The following VPS35L variants were observed in gnomAD, a reference collection of about 807,000 sequenced individuals.
VPS35L encodes the protein VPS35 endosomal protein sorting factor like, also known as VPS35 endosomal protein-sorting factor-like.
Under a neutral mutation model 133.0 loss-of-function variants are expected in VPS35L, and 83 were observed. The ratio of observed to expected loss-of-function variants is 0.62; its 90% CI spans 0.52 to 0.75. The LOEUF (loss-of-function observed/expected upper bound fraction) is 0.75, where lower values mean the gene tolerates loss of function less well. Ranked by LOEUF, VPS35L falls within the 30% of genes least tolerant of loss-of-function variation. VPS35L has a pLI of 0.00. For missense variants in VPS35L, 1,083 were observed against 1,206.8 expected (o/e 0.90, Z 1.52); for synonymous variants, 423 against 449.9 (o/e 0.94, Z 0.76).
At position 19,569,968 on chromosome 16, in the gene VPS35L, C is replaced by A. The variant is rs531988251; in HGVS notation, c.285+377C>A. ...TTTTTTAAGTTGCACAAGTAATGCA[C>A]ACGGTACCTTCTGGTCAGGTCATCC... On this transcript the variant is annotated intron_variant, in intron 3 of 30. Coordinates refer to ENST00000417362, the MANE Select transcript of VPS35L (RefSeq NM_020314.7). 1.4e-3 allele frequency among the ~76,000 whole-genome samples: 218 copies of A among 152,334 alleles called. 2 individuals carry two copies. The highest frequency in any genetic ancestry group is 5.1e-3 in the African/African-American group (211 of 41,576).
At chr16:19,648,814 G>C (rs1974033114) in intron 24 of VPS35L, among the ~76,000 whole-genome samples, 1 of 141,888 alleles carries the variant, frequency 7.0e-6, no homozygotes, top group Admixed American at 7.4e-5. Flanking sequence ...GTTGCAGTAA[G>C]CAGAGATCGC....
intron 15 of VPS35L, 73 bp downstream of exon 15, chr16:19,626,296 T>A: frequency 9.1e-7 from 1 of 1,094,770 alleles, no homozygotes; most frequent in Non-Finnish European, 1.4e-6. Context: ...TTGGCCTGCT[T>A]ACCTGGGTAT....
intron 12 of VPS35L, among the ~76,000 whole-genome samples, chr16:19,612,110 C>T (rs1284897394): frequency 2.0e-5 from 3 of 151,096 alleles, no homozygotes; most frequent in African/African-American, 4.9e-5. Flanking sequence ...AGCTAATTTT[C>T]GTATTTTTAG....
intron 27 of VPS35L, among the ~76,000 whole-genome samples, chr16:19,673,209 G>C (rs1285286735): frequency 6.6e-6 from 1 of 152,234 alleles, no homozygotes; most frequent in Non-Finnish European, 1.5e-5. Flanking sequence ...GGCAGATCCA[G>C]CCGGTAGACA....
At chr16:19,652,157 C>T (rs549647689) in intron 26 of VPS35L, 67 bp downstream of exon 26, 13 of 1,083,290 alleles carry the variant, frequency 1.2e-5, no homozygotes, top group East Asian at 5.2e-5. Context: ...CAGGTGTGTG[C>T]GTATGTGTGT....
At chr16:19,681,482 C>A (rs957635192) in intron 27 of VPS35L, among the ~76,000 whole-genome samples, 1 of 152,164 alleles carries the variant, frequency 6.6e-6, no homozygotes, top group Non-Finnish European at 1.5e-5. Context: ...GCTAGCAAGG[C>A]CATGGAAGGG....
chr16:19,662,625 T>C (rs1265373639), intron 26 of VPS35L, among the ~76,000 whole-genome samples: 2 of 152,068 alleles, frequency 1.3e-5, no homozygotes, highest in Non-Finnish European at 2.9e-5. Context: ...AAGGTCGGTC[T>C]TAGGACCACA....
At chr16:19,651,449 C>G (rs890681652) in intron 25 of VPS35L, among the ~76,000 whole-genome samples, 1 of 152,080 alleles carries the variant, frequency 6.6e-6, no homozygotes, top group African/African-American at 2.4e-5. Flanking sequence ...AAGTGATCCT[C>G]CTGCCTCAGC....
intron 7 of VPS35L, among the ~76,000 whole-genome samples, chr16:19,586,310 A>AGTATGTAT (rs34255547): frequency 7.3e-5 from 11 of 151,720 alleles, no homozygotes; most frequent in African/African-American, 9.7e-5. Flanking sequence ...GAAGTGTGGA[A>AGTATGTAT]GTATGTATGT....
At chr16:19,579,421 C>T (rs1024745289) in intron 6 of VPS35L, 3 of 263,514 alleles carry the variant, frequency 1.1e-5, no homozygotes, top group African/African-American at 2.2e-5. Flanking sequence ...CAAGGCCAGG[C>T]GCGGTGGCTC....
In VPS35L at chr16:19,578,315, A is replaced by G. The variant is rs764287892; in HGVS notation, c.434-737A>G. On this transcript the variant is annotated intron_variant, in intron 5 of 30. Coordinates refer to ENST00000417362, the MANE Select transcript of VPS35L (RefSeq NM_020314.7). ...TTTTTTTTTTTGAGATGGAGGTTAC[A>G]GTGAGCCGAGATCGCGCCACCGCAC... 37 of 439,668 alleles carry G rather than the reference A, an allele frequency of 8.4e-5. 1 individual carries two copies. Among genetic ancestry groups the G allele is most frequent in the South Asian group, 5.6e-4 (35 of 62,754 alleles). The allele number at this position is 439,668 out of a possible 1,614,324, so 27.2% of individuals were successfully genotyped here.
At chr16:19,691,221 G>A (rs773842375) in intron 28 of VPS35L, 132 bp from the exon 29 acceptor site, 11 of 706,690 alleles carry the variant, frequency 1.6e-5, no homozygotes, top group East Asian at 2.7e-5. Flanking sequence ...GGAAATTTCC[G>A]CCACTTCCAT....
intron 23 of VPS35L, among the ~76,000 whole-genome samples, chr16:19,646,190 G>A (rs1257067596): frequency 2.6e-5 from 4 of 152,126 alleles, no homozygotes; most frequent in Non-Finnish European, 4.4e-5. Flanking sequence ...ATCCACAGTG[G>A]CCTTGTTCCC....
At chr16:19,557,837 G>C (rs1970910169) in intron 1 of VPS35L, among the ~76,000 whole-genome samples, 1 of 151,976 alleles carries the variant, frequency 6.6e-6, no homozygotes, top group Non-Finnish European at 1.5e-5. Context: ...GACCACCTGA[G>C]GTCAGGAGTT....
chr16:19,555,819 G>A lies in VPS35L; in HGVS notation c.17+73G>A, dbSNP rs533287681. On this transcript the variant is annotated intron_variant, in intron 1 of 30. Coordinates refer to ENST00000417362, the MANE Select transcript of VPS35L (RefSeq NM_020314.7). Reference sequence around the variant, plus strand: ...TGTGATGGGGTCGGCCTGGGTCTGAGAGTGTGAATTCCTCTCTGTCGGGTT... The same window carrying A: ...TGTGATGGGGTCGGCCTGGGTCTGAAAGTGTGAATTCCTCTCTGTCGGGTT... 7.1e-5 allele frequency: 107 copies of A among 1,512,824 alleles called. 2 individuals are homozygous for A. The South Asian group carries it at 1.4e-3, about 20-fold the overall frequency. 93.7% of individuals were successfully genotyped at this position (1,512,824 alleles called of 1,614,324 possible).
rs548644973 is a variant in VPS35L at position 19,699,730 on chromosome 16, TCAGA to T, written c.2793+89_2793+92del. The T allele has an allele frequency of 8.9e-4, 1,386 of 1,555,582 alleles. 8 individuals are homozygous for T. In the African/African-American group the frequency reaches 0.013, roughly 15 times the overall value. On this transcript the variant is annotated intron_variant, in intron 30 of 30. Transcript: ENST00000417362. The surrounding 1 kb of genome is among the most constrained non-coding windows in gnomAD (Gnocchi z 4.2). ...TCAACACAGCATTGTGGCCTGGACATCAGACAGACAACCCCATACTCCCCTTTTA... is the reference window on the plus strand; with the variant it reads ...TCAACACAGCATTGTGGCCTGGACATCAGACAACCCCATACTCCCCTTTTA...
intron 23 of VPS35L, 44 bp downstream of exon 23, chr16:19,644,993 G>A (rs753379049): frequency 2.7e-5 from 37 of 1,356,560 alleles, no homozygotes; most frequent in Non-Finnish European, 5.2e-6. Context: ...GAAGTGTGAT[G>A]TAATTGTTTA....
rs1413527639 is a variant in VPS35L, at chr16:19,569,429, A to G, written c.123A>G (p.Thr41=). The change falls in exon 3 of 31, where the codon ACA becomes ACG. Residue 41 remains threonine (T), a synonymous_variant. Transcript: ENST00000417362. ...DYHPLKPITV[T]ESKTKKVNRK... ...TCCAGAAATTTTCCTCACAGGTCAC[A>G]GAGTCAAAGACAAAGAAAGTGAACC... is the stretch of plus-strand genomic sequence containing the variant. The G allele has an allele frequency of 3.8e-6, 6 of 1,595,286 alleles. No homozygotes were observed. Among genetic ancestry groups the G allele is most frequent in the Non-Finnish European group, 4.3e-6 (5 of 1,170,968 alleles).
At chr16:19,644,206 T>A (rs1400580308) in intron 22 of VPS35L, among the ~76,000 whole-genome samples, 1 of 152,190 alleles carries the variant, frequency 6.6e-6, no homozygotes, top group Non-Finnish European at 1.5e-5. Flanking sequence ...TATATTTGTG[T>A]TACATTTTCT....
Sources: gnomAD v4.1 joint callset for allele counts (sites outside exome capture counted in the v4.1 genomes callset) on GRCh38, gnomAD v4.1.1 for gene constraint, Gnocchi (gnomAD v3.1) non-coding constraint, MANE v1.5 for transcripts, NCBI Gene and HGNC (gene_info 2026-07-23, HGNC 2026-07-21) for gene names.